CCSER1: variants seen among roughly 807,000 people sequenced by gnomAD.
The protein encoded by CCSER1 is coiled-coil serine rich protein 1.
A neutral mutation model predicts 82.0 loss-of-function variants in CCSER1; 41 were observed. The ratio of observed to expected loss-of-function variants is 0.50; its 90% CI spans 0.39 to 0.65. The LOEUF is 0.65. CCSER1 is among the 30% of genes least tolerant of loss of function. The probability of loss-of-function intolerance (pLI) is 0.00; values close to 1 mark genes in which losing one functional copy is unlikely to be tolerated. For missense variants in CCSER1, 1,119 were observed against 1,064.2 expected, an observed-to-expected ratio of 1.05 and a Z score of -0.72; for synonymous variants, 414 against 383.9, an observed-to-expected ratio of 1.08 and a Z score of -0.92.
chr4:90,470,124 A>C (rs369562550), intron 5 of CCSER1, among the ~76,000 whole-genome samples: 16 of 152,256 alleles, frequency 1.1e-4, no homozygotes, highest in African/African-American at 3.4e-4. Flanking sequence ...ATTTAAGTAA[A>C]GCTACCATCA....
At chr4:90,608,427 T>C (rs1397672451) in intron 5 of CCSER1, among the ~76,000 whole-genome samples, 1 of 152,130 alleles carries the variant, frequency 6.6e-6, no homozygotes. Flanking sequence ...GAATAAGTTA[T>C]TTCTAAAAGA....
chr4:90,863,163 C>T (rs982664815), intron 8 of CCSER1, among the ~76,000 whole-genome samples: 1 of 149,404 alleles, frequency 6.7e-6, no homozygotes, highest in Non-Finnish European at 1.5e-5. Flanking sequence ...TTGTTCAATT[C>T]CCATCTATGA....
chr4:91,448,527 G>T (rs1284028990), intron 10 of CCSER1, among the ~76,000 whole-genome samples: 3 of 152,072 alleles, frequency 2.0e-5, no homozygotes, highest in Non-Finnish European at 4.4e-5. Context: ...TGTGGTCTTA[G>T]ATAGAGTTGC....
intron 4 of CCSER1, among the ~76,000 whole-genome samples, chr4:90,442,697 A>C (rs1287551904): frequency 1.3e-5 from 2 of 152,168 alleles, no homozygotes; most frequent in African/African-American, 4.8e-5. Flanking sequence ...CATGTAAACA[A>C]ATAGTTCTCC....
chr4:90,516,047 C>T (rs901452299), intron 5 of CCSER1, among the ~76,000 whole-genome samples: 2 of 152,086 alleles, frequency 1.3e-5, no homozygotes, highest in African/African-American at 4.8e-5. Flanking sequence ...ATAATTTGCA[C>T]GTGCAATTGC....
chr4:91,372,939 T>C (rs1476076288), intron 10 of CCSER1, among the ~76,000 whole-genome samples: 1 of 152,034 alleles, frequency 6.6e-6, no homozygotes, highest in Non-Finnish European at 1.5e-5. Context: ...AGTTCTAGTA[T>C]CTTAATGAAG....
rs563770332 is a variant in CCSER1 at position 90,949,653 on chromosome 4, G to GT, written c.2172+26207dup. Among the ~76,000 whole-genome samples the GT allele has an allele frequency of 2.5e-4, 38 of 152,240 alleles. No homozygotes were observed. The South Asian group carries it at 7.7e-3, about 31-fold the overall frequency. ...TGCATTCATTCATTTGACAAACTAT[G>GT]TACTGAGCAACTGTTTTGTGCCAGG... On this transcript the variant is annotated intron_variant, in intron 9 of 10. Coordinates refer to ENST00000509176, the MANE Select transcript of CCSER1 (RefSeq NM_001145065.2).
chr4:91,311,487 C>T (rs181673347), intron 10 of CCSER1, among the ~76,000 whole-genome samples: 22 of 151,892 alleles, frequency 1.4e-4, no homozygotes, highest in East Asian at 5.8e-4. Flanking sequence ...ACAGCAGTAA[C>T]GACAACAAGT....
intron 10 of CCSER1, among the ~76,000 whole-genome samples, chr4:91,482,495 T>G (rs533992714): frequency 2.1e-3 from 323 of 151,930 alleles, no homozygotes; most frequent in African/African-American, 7.4e-3. Flanking sequence ...CACTTTTGGT[T>G]GGACTGTAAA....
At chr4:91,287,099 TG>T in intron 10 of CCSER1, among the ~76,000 whole-genome samples, 1 of 151,988 alleles carries the variant, frequency 6.6e-6, no homozygotes, top group East Asian at 1.9e-4. Flanking sequence ...ATATTTAAAG[TG>T]GGGTACCTTA....
rs747363416 is a variant in CCSER1, at chr4:91,115,841, T to TTTTATATATATATATATA, written c.2217+29848_2217+29849insTTATATATATATATATAT. ...TTTTTTTTTTCAAATTTCCATTCTT[T>TTTTATATATATATATATA]TATATATATATATATATATTTTTTT... is the stretch of plus-strand genomic sequence containing the variant. On this transcript the variant is annotated intron_variant, in intron 10 of 10. Transcript: ENST00000509176. Among the ~76,000 whole-genome samples, 51 of 115,188 alleles carry TTTTATATATATATATATA rather than the reference T, an allele frequency of 4.4e-4. 1 individual carries two copies. Among genetic ancestry groups the TTTTATATATATATATATA allele is most frequent in the African/African-American group, 1.9e-3 (50 of 26,622 alleles). 75.6% of individuals were successfully genotyped at this position (115,188 alleles called of 152,430 possible).
chr4:91,214,189 C>G (rs1737057126), intron 10 of CCSER1, among the ~76,000 whole-genome samples: 1 of 152,092 alleles, frequency 6.6e-6, no homozygotes, highest in African/African-American at 2.4e-5. Context: ...TCTTCTTATT[C>G]AAATTATTCT....
chr4:90,503,484 C>T (rs1317024630), intron 5 of CCSER1, among the ~76,000 whole-genome samples: 1 of 151,958 alleles, frequency 6.6e-6, no homozygotes, highest in African/African-American at 2.4e-5. Context: ...CATATGTATA[C>T]GTGTGCCATG....
chr4:91,486,821 C>A (rs1758247572), intron 10 of CCSER1, among the ~76,000 whole-genome samples: 1 of 151,910 alleles, frequency 6.6e-6, no homozygotes, highest in South Asian at 2.1e-4. Context: ...GCCCTGGGAT[C>A]CCAAGGTATT....
chr4:90,979,492 A>G (rs1042910852), intron 9 of CCSER1, among the ~76,000 whole-genome samples: 1 of 151,764 alleles, frequency 6.6e-6, no homozygotes, highest in African/African-American at 2.4e-5. Flanking sequence ...TGTGTGGCTT[A>G]TTCAACCTGC....
chr4:91,186,271 C>A (rs1381979304), intron 10 of CCSER1, among the ~76,000 whole-genome samples: 1 of 152,178 alleles, frequency 6.6e-6, no homozygotes, highest in East Asian at 1.9e-4. Flanking sequence ...TGCTCTGTAA[C>A]CTCTTCTGTT....
intron 1 of CCSER1, among the ~76,000 whole-genome samples, chr4:90,160,756 T>G (rs774896879): frequency 6.6e-6 from 1 of 152,134 alleles, no homozygotes; most frequent in Non-Finnish European, 1.5e-5. Flanking sequence ...CAATAGAATG[T>G]AGACCTCTAG....
At chr4:91,295,979 A>G (rs950051070) in intron 10 of CCSER1, among the ~76,000 whole-genome samples, 8 of 151,976 alleles carry the variant, frequency 5.3e-5, no homozygotes, top group African/African-American at 1.7e-4. Context: ...TATGCCTTCT[A>G]TAAGTATAGC....
chr4:91,298,844 G>C (rs909929041), intron 10 of CCSER1, among the ~76,000 whole-genome samples: 1 of 151,854 alleles, frequency 6.6e-6, no homozygotes, highest in Non-Finnish European at 1.5e-5. Flanking sequence ...ACAAGTGCTG[G>C]GTAATAGCTG....
Sources: allele counts gnomAD v4.1 joint callset (sites outside exome capture counted in the v4.1 genomes callset), GRCh38; gene constraint gnomAD v4.1.1; transcripts MANE v1.5; gene names NCBI Gene and HGNC (gene_info 2026-07-23, HGNC 2026-07-21).